KBTBD2: variants seen among roughly 807,000 people sequenced by gnomAD.
The protein encoded by KBTBD2 is kelch repeat and BTB domain-containing protein 2.
Under a neutral mutation model 57.1 loss-of-function variants are expected in KBTBD2, and 17 were observed. That is an observed-to-expected ratio of 0.30 (90% CI 0.20 to 0.45). The LOEUF (loss-of-function observed/expected upper bound fraction) is 0.45, where lower values mean the gene tolerates loss of function less well. Among genes scored for constraint, KBTBD2 ranks in the 20% least tolerant of loss-of-function variants. The pLI is 1.00. For synonymous variants in KBTBD2, 267 were observed against 262.7 expected (o/e 1.02, Z -0.16); for missense variants, 515 against 750.6 (o/e 0.69, Z 3.67).
intron 3 of KBTBD2, among the ~76,000 whole-genome samples, chr7:32,871,590 A>C (rs1283400723): frequency 6.6e-6 from 1 of 152,180 alleles, no homozygotes; most frequent in Admixed American, 6.5e-5. Flanking sequence ...TTGGATTTAA[A>C]ACTTAATTGG....
intron 2 of KBTBD2, among the ~76,000 whole-genome samples, chr7:32,878,301 C>T (rs755776506): frequency 6.6e-6 from 1 of 152,078 alleles, no homozygotes; most frequent in Non-Finnish European, 1.5e-5. Flanking sequence ...GCAGAACAGG[C>T]GGTGCGCAGT....
At chr7:32,873,377 C>T (rs1194658605) in intron 3 of KBTBD2, among the ~76,000 whole-genome samples, 1 of 108,122 alleles carries the variant, frequency 9.2e-6, no homozygotes, top group Non-Finnish European at 1.8e-5. Context: ...TATATCTAAG[C>T]TCTAAGCAAA....
chr7:32,870,743 G>C lies in KBTBD2; in HGVS notation c.474C>G (p.His158Gln), dbSNP rs1304789076. The change falls in exon 4 of 4, where the codon CAC (histidine) becomes CAG (glutamine). Residue 158 changes from histidine to glutamine, a missense_variant. Transcript: ENST00000304056. ...LKQSAKRMVEHKFTAVYHQDA... is the reference protein window; with the variant it reads ...LKQSAKRMVEQKFTAVYHQDA... ...CCTGATGATACACAGCAGTGAACTT[G>C]TGCTCCACCATTCTTTTAGCACTCT... 1 of 1,614,156 alleles carries C rather than the reference G, an allele frequency of 6.2e-7. No homozygotes were observed. The highest frequency in any genetic ancestry group is 1.7e-5 in the Admixed American group (1 of 60,016).
intron 1 of KBTBD2, among the ~76,000 whole-genome samples, chr7:32,885,748 C>T (rs987246585): frequency 4.6e-5 from 7 of 152,080 alleles, no homozygotes. Flanking sequence ...TAATAAAGTG[C>T]AATGTACTTT....
At position 32,873,240 on chromosome 7, in the gene KBTBD2, T is replaced by C. The variant is rs60046449; in HGVS notation, c.336+1752A>G. Among the ~76,000 whole-genome samples the C allele has an allele frequency of 3.4e-4, 52 of 152,238 alleles. No homozygotes were observed. The East Asian group carries it at 9.2e-3, about 27-fold the overall frequency. The stretch of plus-strand genomic sequence containing the variant: ...TAAAACAGTTTGTCATACATAAATA[T>C]ATCAACCATCACTTGTTTTGTTTAA... On this transcript the variant is annotated intron_variant, in intron 3 of 3. Coordinates refer to ENST00000304056, the MANE Select transcript of KBTBD2 (RefSeq NM_015483.3).
intron 3 of KBTBD2, among the ~76,000 whole-genome samples, chr7:32,871,129 T>C (rs1161972703): frequency 2.0e-5 from 3 of 152,108 alleles, no homozygotes; most frequent in East Asian, 1.9e-4. Flanking sequence ...CAACAATAAA[T>C]AGGCTCTTAA....
At chr7:32,888,414 G>A (rs1784636358) in intron 1 of KBTBD2, among the ~76,000 whole-genome samples, 1 of 152,090 alleles carries the variant, frequency 6.6e-6, no homozygotes, top group South Asian at 2.1e-4. Flanking sequence ...ATGGGTGCTA[G>A]AAACAGTTTG....
chr7:32,873,384 C>CAAAAAAAAAAA (rs544661966), intron 3 of KBTBD2, among the ~76,000 whole-genome samples: 1 of 107,788 alleles, frequency 9.3e-6, no homozygotes, highest in African/African-American at 3.6e-5. Context: ...AAGCTCTAAG[C>CAAAAAAAAAAA]AAAAAAAAAA....
At position 32,868,216 on chromosome 7, in the gene KBTBD2, A is replaced by T. The variant is rs1478118407; in HGVS notation, c.*1129T>A. The T allele has an allele frequency of 3.3e-5, 5 of 152,676 alleles. No individual in the cohort carries two copies. The highest frequency in any genetic ancestry group is 1.2e-4 in the African/African-American group (5 of 41,468). The allele number at this position is 152,676 out of a possible 1,614,324, so 9.5% of individuals were successfully genotyped here. A position where few individuals can be genotyped will look rare whatever the true frequency, so the allele number is the denominator to read the frequency against. On this transcript the variant is annotated 3_prime_UTR_variant, in exon 4 of 4. Transcript: ENST00000304056. ...TTAATAAATTAATGTCATTCAAAAT[A>T]CAGTGCCAGAACATGGTGCAGTTGA...
At chr7:32,884,679 A>C (rs1175006712) in intron 1 of KBTBD2, among the ~76,000 whole-genome samples, 1 of 152,042 alleles carries the variant, frequency 6.6e-6, no homozygotes, top group African/African-American at 2.4e-5. Flanking sequence ...AACAAGAGAG[A>C]GACTCAGTCT....
intron 1 of KBTBD2, among the ~76,000 whole-genome samples, chr7:32,890,248 A>T (rs886283806): frequency 1.3e-5 from 2 of 152,244 alleles, no homozygotes; most frequent in African/African-American, 4.8e-5. Context: ...GGCTTCAATA[A>T]GCACTAAGCC....
intron 1 of KBTBD2, among the ~76,000 whole-genome samples, chr7:32,888,165 G>C (rs1204927003): frequency 2.0e-5 from 3 of 152,144 alleles, no homozygotes; most frequent in Admixed American, 2.0e-4. Flanking sequence ...GCAAACATTT[G>C]ACACTTGAAA....
At position 32,872,431 on chromosome 7, in the gene KBTBD2, G is replaced by A. The variant is rs149303682; in HGVS notation, c.337-1551C>T. 6.4e-3 allele frequency among the ~76,000 whole-genome samples: 980 copies of A among 152,216 alleles called. 12 individuals carry two copies. Among genetic ancestry groups the A allele is most frequent in the African/African-American group, 0.022 (922 of 41,530 alleles). ...GTTGTAACTCGCACCTGTAATCCTA[G>A]CACTTTGGGAGGCCTAGGTGAGAGG... On this transcript the variant is annotated intron_variant, in intron 3 of 3. Transcript: ENST00000304056.
chr7:32,875,041 A>G lies in KBTBD2; in HGVS notation c.287T>C (p.Met96Thr), dbSNP rs982383887. The change falls in exon 3 of 4, where the codon ATG becomes ACG. Residue 96 changes from methionine (M) to threonine (T), a missense_variant. By Grantham distance (81) the Met-to-Thr change is moderately conservative. Transcript: ENST00000304056. The stretch of plus-strand genomic sequence containing the variant: ...AAGCTGTTCTACAGTGCTGTCATTC[A>G]TTGCCAAGTTACCCGTGTATGCATA... ...ITYAYTGNLA[M>T]NDSTVEQLYE... 4.3e-6 allele frequency: 7 copies of G among 1,614,194 alleles called. No homozygotes were observed. The highest frequency in any genetic ancestry group is 5.9e-6 in the Non-Finnish European group (7 of 1,180,022).
intron 3 of KBTBD2, among the ~76,000 whole-genome samples, chr7:32,874,069 C>T (rs1784248715): frequency 6.6e-6 from 1 of 152,060 alleles, no homozygotes; most frequent in African/African-American, 2.4e-5. Flanking sequence ...TTGAGACCAG[C>T]CTGGGCAACA....
At chr7:32,888,203 G>C (rs1184901978) in intron 1 of KBTBD2, among the ~76,000 whole-genome samples, 3 of 152,082 alleles carry the variant, frequency 2.0e-5, no homozygotes, top group African/African-American at 2.4e-5. Flanking sequence ...AAAATATTAA[G>C]ATAATTTTTC....
At chr7:32,876,093 A>G (rs962262775) in intron 2 of KBTBD2, among the ~76,000 whole-genome samples, 1 of 152,222 alleles carries the variant, frequency 6.6e-6, no homozygotes, top group Non-Finnish European at 1.5e-5. Context: ...TATGCAGGAC[A>G]CTTTCCTAAA....
chr7:32,887,226 G>T (rs756656354), intron 1 of KBTBD2, among the ~76,000 whole-genome samples: 2 of 152,188 alleles, frequency 1.3e-5, no homozygotes, highest in Non-Finnish European at 2.9e-5. Context: ...TAAAAAGATG[G>T]GAAGGAGGCT....
intron 1 of KBTBD2, among the ~76,000 whole-genome samples, chr7:32,890,021 T>C (rs891610992): frequency 6.6e-6 from 1 of 152,232 alleles, no homozygotes; most frequent in Non-Finnish European, 1.5e-5. Flanking sequence ...ACATGCCCTG[T>C]GAATAACATA....
Sources: gnomAD v4.1 joint callset for allele counts (sites outside exome capture counted in the v4.1 genomes callset) on GRCh38, gnomAD v4.1.1 for gene constraint, MANE v1.5 for transcripts, NCBI Gene and HGNC (gene_info 2026-07-23, HGNC 2026-07-21) for gene names.